Variants in TBC1D2 observed in about 807,000 individuals in gnomAD.
TBC1D2 encodes the protein TBC1 domain family member 2A.
A neutral mutation model predicts 91.1 loss-of-function variants in TBC1D2; 58 were observed. The observed-to-expected ratio is 0.64, with a 90% CI of 0.52 to 0.79. TBC1D2 has a LOEUF of 0.79. Ranked by LOEUF, TBC1D2 falls within the 30% of genes least tolerant of loss-of-function variation. The probability of loss-of-function intolerance (pLI) is 0.00; values close to 1 mark genes in which losing one functional copy is unlikely to be tolerated. For missense variants in TBC1D2, 1,080 were observed against 1,208.3 expected (o/e 0.89, Z 1.57); for synonymous variants, 482 against 511.5 (o/e 0.94, Z 0.78).
chr9:98,251,048 A>G (rs1829862940), intron 2 of TBC1D2, among the ~76,000 whole-genome samples: 1 of 152,104 alleles, frequency 6.6e-6, no homozygotes, highest in African/African-American at 2.4e-5. Context: ...GCACTTTGGG[A>G]GGCTGAGGCG....
chr9:98,213,440 G>A, intron 6 of TBC1D2: 2 of 1,346,142 alleles, frequency 1.5e-6, no homozygotes, highest in Non-Finnish European at 1.9e-6. Flanking sequence ...CTGAATTTAA[G>A]TCCTGGCTGA....
At chr9:98,216,747 C>G (rs1208265662) in intron 6 of TBC1D2, among the ~76,000 whole-genome samples, 4 of 152,124 alleles carry the variant, frequency 2.6e-5, no homozygotes, top group Admixed American at 2.0e-4. Context: ...CTTTGTCACC[C>G]AGGCTGGAAT....
At chr9:98,252,372 T>C (rs1829890731) in intron 1 of TBC1D2, among the ~76,000 whole-genome samples, 1 of 152,206 alleles carries the variant, frequency 6.6e-6, no homozygotes. Context: ...TTGCTGCCTT[T>C]TGTGGAATAG....
At chr9:98,220,429 C>T (rs1371506661) in intron 6 of TBC1D2, among the ~76,000 whole-genome samples, 1 of 152,148 alleles carries the variant, frequency 6.6e-6, no homozygotes, top group African/African-American at 2.4e-5. Flanking sequence ...TGTGCAGGCG[C>T]AGGACTGTGG....
At chr9:98,216,245 G>A (rs1193625641) in intron 6 of TBC1D2, among the ~76,000 whole-genome samples, 1 of 152,206 alleles carries the variant, frequency 6.6e-6, no homozygotes, top group Non-Finnish European at 1.5e-5. Context: ...CAAGTGCAAC[G>A]TGAGCGTGAG....
At position 98,253,902 on chromosome 9, in the gene TBC1D2, C is replaced by T. The variant is rs537908240; in HGVS notation, c.369+1271G>A. 1.3e-4 allele frequency among the ~76,000 whole-genome samples: 20 copies of T among 152,274 alleles called. No individual in the cohort carries two copies. The South Asian group carries it at 3.1e-3, about 24-fold the overall frequency. On this transcript the variant is annotated intron_variant, in intron 1 of 12. Transcript: ENST00000465784. ...GTGGGGGTGCATTAGCTCCACACCCCGCCAAGCGCAGAGCCAGGAACAATG... is the reference window on the plus strand; with the variant it reads ...GTGGGGGTGCATTAGCTCCACACCCTGCCAAGCGCAGAGCCAGGAACAATG...
intron 9 of TBC1D2, among the ~76,000 whole-genome samples, chr9:98,204,602 C>T (rs1718161405): frequency 6.6e-6 from 1 of 152,196 alleles, no homozygotes; most frequent in Admixed American, 6.5e-5. Flanking sequence ...TCTTTTGAGG[C>T]TCACAACTCT....
intron 4 of TBC1D2, among the ~76,000 whole-genome samples, chr9:98,232,412 C>G (rs1054572058): frequency 1.4e-4 from 21 of 148,402 alleles, no homozygotes; most frequent in African/African-American, 5.1e-4. Flanking sequence ...CTCGACCTCC[C>G]TGGCTCAAGT....
chr9:98,247,341 A>C lies in TBC1D2; in HGVS notation c.512-3212T>G, dbSNP rs1232677975. On this transcript the variant is annotated intron_variant, in intron 2 of 12. Transcript: ENST00000465784. ...CGAGACTCCGTCTCAAAAAAAAAAAACAAAAACAAACACAAACAAACAAAA... is the reference window on the plus strand; with the variant it reads ...CGAGACTCCGTCTCAAAAAAAAAAACCAAAAACAAACACAAACAAACAAAA... Among the ~76,000 whole-genome samples the C allele has an allele frequency of 5.6e-5, 8 of 143,714 alleles. No homozygotes were observed. The South Asian group carries it at 1.8e-3, about 32-fold the overall frequency. 94.3% of individuals were successfully genotyped at this position (143,714 alleles called of 152,430 possible).
At chr9:98,232,226 T>C (rs1025375713) in intron 4 of TBC1D2, among the ~76,000 whole-genome samples, 1 of 152,068 alleles carries the variant, frequency 6.6e-6, no homozygotes, top group Non-Finnish European at 1.5e-5. Flanking sequence ...ATGATGATGG[T>C]GACTCATCCG....
At chr9:98,251,669 TC>T in intron 2 of TBC1D2, 115 bp downstream of exon 2, 1 of 1,396,692 alleles carries the variant, frequency 7.2e-7, no homozygotes. Context: ...CTGAGTCATA[TC>T]CCTGGCTCTC....
At chr9:98,253,487 T>C (rs1328376245) in intron 1 of TBC1D2, among the ~76,000 whole-genome samples, 1 of 152,202 alleles carries the variant, frequency 6.6e-6, no homozygotes, top group Admixed American at 6.5e-5. Context: ...GACTGAGCTT[T>C]TGCTACTTGG....
chr9:98,216,259 C>T (rs1380413980), intron 6 of TBC1D2, among the ~76,000 whole-genome samples: 1 of 152,176 alleles, frequency 6.6e-6, no homozygotes, highest in Non-Finnish European at 1.5e-5. Flanking sequence ...GCGTGAGCAT[C>T]GTCTCCCTCA....
intron 6 of TBC1D2, among the ~76,000 whole-genome samples, chr9:98,213,833 A>G (rs1198043047): frequency 1.3e-5 from 2 of 152,128 alleles, no homozygotes; most frequent in African/African-American, 2.4e-5. Flanking sequence ...GGGTGTTTGC[A>G]GTTGGTTTTT....
At chr9:98,244,198 G>A in intron 2 of TBC1D2, 69 bp from the exon 3 acceptor site, 3 of 1,586,936 alleles carry the variant, frequency 1.9e-6, no homozygotes, top group Non-Finnish European at 1.7e-6. Flanking sequence ...CAGGTGGGAT[G>A]CTATGGGTGC....
chr9:98,232,138 T>A (rs529870259), intron 4 of TBC1D2, among the ~76,000 whole-genome samples: 3 of 152,240 alleles, frequency 2.0e-5, no homozygotes, highest in African/African-American at 7.2e-5. Context: ...AATTGTATAG[T>A]ACATGAATAT....
At chr9:98,229,737 T>C (rs1009549443) in intron 4 of TBC1D2, among the ~76,000 whole-genome samples, 1 of 152,240 alleles carries the variant, frequency 6.6e-6, no homozygotes, top group Non-Finnish European at 1.5e-5. Context: ...GTCTCAAGGA[T>C]GCATAGTCCT....
At chr9:98,253,542 C>T (rs1829912561) in intron 1 of TBC1D2, among the ~76,000 whole-genome samples, 1 of 152,234 alleles carries the variant, frequency 6.6e-6, no homozygotes, top group South Asian at 2.1e-4. Context: ...CTCTTCAACT[C>T]CATCCTTTGG....
intron 7 of TBC1D2, among the ~76,000 whole-genome samples, chr9:98,212,826 A>G (rs1470581299): frequency 6.6e-6 from 1 of 152,118 alleles, no homozygotes; most frequent in Non-Finnish European, 1.5e-5. Flanking sequence ...TGATTGGGTT[A>G]CACTCCCTCA....
Sources: gnomAD v4.1 joint callset for allele counts (sites outside exome capture counted in the v4.1 genomes callset) on GRCh38, gnomAD v4.1.1 for gene constraint, MANE v1.5 for transcripts, NCBI Gene and HGNC (gene_info 2026-07-23, HGNC 2026-07-21) for gene names.